MSS51: variants seen among roughly 807,000 people sequenced by gnomAD.
The protein encoded by MSS51 is putative protein MSS51 homolog, mitochondrial.
A neutral mutation model predicts 40.2 loss-of-function variants in MSS51; 32 were observed. The ratio of observed to expected loss-of-function variants is 0.80; its 90% CI spans 0.60 to 1.07. MSS51 has a LOEUF of 1.07. MSS51 is among the 50% of genes least tolerant of loss of function. The pLI is 0.00. For synonymous variants in MSS51, 178 were observed against 214.2 expected (o/e 0.83, Z 1.48); for missense variants, 518 against 568.9 (o/e 0.91, Z 0.91).
chr10:73,425,079 A>G lies in MSS51; in HGVS notation c.1163+19T>C, dbSNP rs767456111. 3.1e-5 allele frequency: 49 copies of G among 1,585,992 alleles called. No homozygotes were observed. The highest frequency in any genetic ancestry group is 4.0e-5 in the Non-Finnish European group (46 of 1,154,654). ...GATGTAAAGTCAGGGAAGTATCACA[A>G]ATAGGATGAGGTCAAAACCTGTAAA... is the stretch of plus-strand genomic sequence containing the variant. On this transcript the variant is annotated intron_variant, in intron 6 of 6. Coordinates refer to ENST00000299432, the MANE Select transcript of MSS51 (RefSeq NM_001024593.2).
Position 73,428,626 on chromosome 10 carries a change from C to T in MSS51, c.-17-325G>A, listed in dbSNP as rs955513937. Among the ~76,000 whole-genome samples the T allele has an allele frequency of 4.0e-5, 6 of 151,838 alleles. No individual in the cohort carries two copies. The South Asian group carries it at 1.0e-3, about 26-fold the overall frequency. ...TCAGCCTCCCGAGTAGCTGGGACTA[C>T]GGGCAGGCGCCACCAGGCCCGGCTA... On this transcript the variant is annotated intron_variant, in intron 1 of 6. Coordinates refer to ENST00000299432, the MANE Select transcript of MSS51 (RefSeq NM_001024593.2).
rs1480343794 is a variant in MSS51, at chr10:73,427,938, C to A, written c.221+126G>T. Reference sequence around the variant, plus strand: ...TCTTTTATAGTAATATAGTAACTGGCAAAAGGATGAGAAAATCTCTTATTG... The same window carrying A: ...TCTTTTATAGTAATATAGTAACTGGAAAAAGGATGAGAAAATCTCTTATTG... On this transcript the variant is annotated intron_variant, in intron 2 of 6. Coordinates refer to ENST00000299432, the MANE Select transcript of MSS51 (RefSeq NM_001024593.2). 19 of 1,205,672 alleles carry A rather than the reference C, an allele frequency of 1.6e-5. No individual in the cohort carries two copies. In the East Asian group the frequency reaches 4.6e-4, roughly 29 times the overall value. 74.7% of individuals were successfully genotyped at this position (1,205,672 alleles called of 1,614,324 possible).
chr10:73,424,702 T>A lies in MSS51; in HGVS notation c.1234A>T (p.Asn412Tyr). The A allele has an allele frequency of 1.9e-6, 3 of 1,614,128 alleles. No individual in the cohort carries two copies. Among genetic ancestry groups the A allele is most frequent in the Non-Finnish European group, 2.5e-6 (3 of 1,180,012 alleles). ...LDTHITAFGSNPFMSLKPEQV... is the reference protein window; with the variant it reads ...LDTHITAFGSYPFMSLKPEQV... Reference sequence around the variant, plus strand: ...TCAGGTTTGAGGGACATGAAAGGATTAGACCCAAAGGCAGTGATGTGTGTA... The same window carrying A: ...TCAGGTTTGAGGGACATGAAAGGATAAGACCCAAAGGCAGTGATGTGTGTA... The change falls in exon 7 of 7, where the codon AAT becomes TAT. Residue 412 changes from asparagine to tyrosine, a missense_variant. By Grantham distance (143) the Asn-to-Tyr change is moderately radical. Coordinates refer to ENST00000299432, the MANE Select transcript of MSS51 (RefSeq NM_001024593.2).
Position 73,424,785 on chromosome 10 carries a change from G to C in MSS51, c.1164-13C>G, listed in dbSNP as rs2055969664. On this transcript the variant is annotated splice_polypyrimidine_tract_variant and intron_variant, in intron 6 of 6. Transcript: ENST00000299432. ...CAACTCCTGATGGCTGTAGAAGAGA[G>C]AGAAGAAAAATTACTCTACTGATTG... 3 of 1,600,184 alleles carry C rather than the reference G, an allele frequency of 1.9e-6. No homozygotes were observed. The highest frequency in any genetic ancestry group is 1.1e-5 in the South Asian group (1 of 90,692).
At chr10:73,433,439 C>A (rs1387208688) in intron 1 of MSS51, 74 bp downstream of exon 1, 2 of 152,140 alleles carry the variant, frequency 1.3e-5, no homozygotes, top group Admixed American at 1.3e-4. Flanking sequence ...GTGATTAACA[C>A]TGCCTGGGGT....
Position 73,426,629 on chromosome 10 carries a change from GAGA to G in MSS51, c.477_479del (p.Leu160del). On this transcript the variant is annotated inframe_deletion, in exon 4 of 7. Transcript: ENST00000299432. ...CACCTGTGACCAGAAGCCATTCCAT[GAGA>G]CGGTCCACAGCCACAAGACGAAGCT... is the stretch of plus-strand genomic sequence containing the variant. 1 of 1,614,168 alleles carries G rather than the reference GAGA, an allele frequency of 6.2e-7. No homozygotes were observed. Among genetic ancestry groups the G allele is most frequent in the Non-Finnish European group, 8.5e-7 (1 of 1,180,034 alleles).
In MSS51 at chr10:73,426,673, T is replaced by C. The variant is rs1049742842; in HGVS notation, c.436A>G (p.Arg146Gly). The C allele has an allele frequency of 6.2e-7, 1 of 1,614,068 alleles. No homozygotes were observed. The highest frequency in any genetic ancestry group is 8.5e-7 in the Non-Finnish European group (1 of 1,180,042). The change falls in exon 4 of 7, where the codon AGG becomes GGG. Residue 146 changes from arginine (R) to glycine (G), a missense_variant. Coordinates refer to ENST00000299432, the MANE Select transcript of MSS51 (RefSeq NM_001024593.2). ...ECQKSDWPAH[R>G]RVCQELRLVA... ...AGACGAAGCTCTTGACAAACCCTCC[T>C]GTGTGCGGGCCAGTCTGACTTCTGG...
rs548243955 is a variant in MSS51, at chr10:73,425,144, G to A, written c.1117C>T (p.Leu373=). The A allele has an allele frequency of 1.4e-4, 227 of 1,608,236 alleles. 1 individual carries two copies. In the South Asian group the frequency reaches 2.4e-3, roughly 17 times the overall value. Residue 373 remains leucine (L), a synonymous_variant, in exon 6 of 7, where the codon CTG becomes TTG. Coordinates refer to ENST00000299432, the MANE Select transcript of MSS51 (RefSeq NM_001024593.2). ...GGAATCTTATAGTCACGAAGTAGCA[G>A]CAGGGTGGGCAGCCAAGCCTCCATC... The part of the protein sequence containing the change: ...DLMEAWLPTL[L]LLRDYKIPTL...
At chr10:73,427,310 G>A (rs1015883563) in intron 3 of MSS51, among the ~76,000 whole-genome samples, 9 of 124,418 alleles carry the variant, frequency 7.2e-5, no homozygotes, top group African/African-American at 2.6e-4. Flanking sequence ...ACAGAGTCTC[G>A]CTCTGTCATC....
Position 73,426,686 on chromosome 10 carries a change from G to A in MSS51, c.423C>T (p.Asp141=). Residue 141 remains aspartate (D), a synonymous_variant, in exon 4 of 7, where the codon GAC becomes GAT. Transcript: ENST00000299432. ...YYCGPECQKS[D]WPAHRRVCQE... is the part of the protein sequence containing the mutation. ...GACAAACCCTCCTGTGTGCGGGCCA[G>A]TCTGACTTCTGGCACTCTGGACCAC... 1 of 1,614,198 alleles carries A rather than the reference G, an allele frequency of 6.2e-7. No homozygotes were observed. The highest frequency in any genetic ancestry group is 8.5e-7 in the Non-Finnish European group (1 of 1,180,040).
In MSS51 at chr10:73,426,274, C is replaced by G. The variant is rs368376786; in HGVS notation, c.606G>C (p.Leu202Phe). 1 of 1,611,888 alleles carries G rather than the reference C, an allele frequency of 6.2e-7. No individual in the cohort carries two copies. Among genetic ancestry groups the G allele is most frequent in the Non-Finnish European group, 8.5e-7 (1 of 1,180,022 alleles). Residue 202 changes from leucine (L) to phenylalanine (F), a missense_variant, in exon 5 of 7, where the codon TTG (leucine) becomes TTC (phenylalanine). Leu to Phe is a conservative substitution (Grantham distance 22). Coordinates refer to ENST00000299432, the MANE Select transcript of MSS51 (RefSeq NM_001024593.2). Reference sequence around the variant, plus strand: ...CAGCATGACTAACTAGCACAGCATCCAATGTAGCATCTAGGTGTAACCCCT... The same window carrying G: ...CAGCATGACTAACTAGCACAGCATCGAATGTAGCATCTAGGTGTAACCCCT... ...SMKGLHLDAT[L>F]DAVLVSHAVT...
intron 2 of MSS51, 36 bp downstream of exon 2, chr10:73,428,028 A>G: frequency 6.3e-7 from 1 of 1,585,990 alleles, no homozygotes; most frequent in South Asian, 1.1e-5. Context: ...TCTACCAGAG[A>G]CAATATATCC....
At chr10:73,425,667 A>G in intron 5 of MSS51, 144 bp downstream of exon 5, 3 of 788,648 alleles carry the variant, frequency 3.8e-6, no homozygotes, top group Non-Finnish European at 5.7e-6. Flanking sequence ...GTCTCAAAAA[A>G]AAAAAAAGAA....
intron 1 of MSS51, among the ~76,000 whole-genome samples, chr10:73,432,204 A>T (rs1349875611): frequency 1.3e-5 from 2 of 152,006 alleles, no homozygotes; most frequent in Non-Finnish European, 2.9e-5. Flanking sequence ...ATGCCCAGCT[A>T]ATTTTTGTAT....
intron 6 of MSS51, 77 bp downstream of exon 6, chr10:73,425,021 G>C: frequency 8.6e-7 from 1 of 1,164,118 alleles, no homozygotes; most frequent in South Asian, 1.3e-5. Flanking sequence ...TGAGCAAGAG[G>C]GGGGCAAAAA....
At chr10:73,427,270 T>C (rs1005175271) in intron 3 of MSS51, among the ~76,000 whole-genome samples, 1 of 149,782 alleles carries the variant, frequency 6.7e-6, no homozygotes, top group Non-Finnish European at 1.5e-5. Context: ...AGAAGGTCAT[T>C]GCTTTTTTTT....
chr10:73,427,980 A>G (rs1233941181), intron 2 of MSS51, 84 bp downstream of exon 2: 1 of 1,341,762 alleles, frequency 7.5e-7, no homozygotes, highest in Non-Finnish European at 1.0e-6. Context: ...CTCCATATTC[A>G]CCAAACTGTA....
At chr10:73,425,450 G>A (rs112786063) in intron 5 of MSS51, among the ~76,000 whole-genome samples, 10,703 of 151,804 alleles carry the variant, frequency 0.071, 628 homozygotes, top group East Asian at 0.3. Flanking sequence ...AGAGGCGGGC[G>A]GATCATAAGG....
At position 73,426,002 on chromosome 10, in the gene MSS51, T is replaced by A. The variant is rs751971961; in HGVS notation, c.878A>T (p.His293Leu). 1.2e-6 allele frequency: 2 copies of A among 1,614,080 alleles called. No homozygotes were observed. The highest frequency in any genetic ancestry group is 3.3e-5 in the Admixed American group (2 of 60,014). ...YDELGYMFPG[H>L]LGLRVVMVGV... ...CACCATGACCACACGGAGTCCAAGG[T>A]GCCCAGGAAACATGTAACCAAGCTC... is the stretch of plus-strand genomic sequence containing the variant. The change falls in exon 5 of 7, where the codon CAC becomes CTC. Residue 293 changes from histidine (H) to leucine (L), a missense_variant. Coordinates refer to ENST00000299432, the MANE Select transcript of MSS51 (RefSeq NM_001024593.2).
Sources: allele counts gnomAD v4.1 joint callset (sites outside exome capture counted in the v4.1 genomes callset), GRCh38; gene constraint gnomAD v4.1.1; transcripts MANE v1.5; gene names NCBI Gene and HGNC (gene_info 2026-07-23, HGNC 2026-07-21).